PPARGC1A: variants seen among roughly 807,000 people sequenced by gnomAD.
PPARGC1A encodes peroxisome proliferator-activated receptor gamma coactivator 1-alpha.
PPARGC1A carries 25 observed loss-of-function variants against 88.7 expected under a neutral mutation model. The ratio of observed to expected loss-of-function variants is 0.28; its 90% CI spans 0.21 to 0.39. The LOEUF (loss-of-function observed/expected upper bound fraction) is 0.39. PPARGC1A is among the 10% of genes least tolerant of loss of function. The probability of loss-of-function intolerance (pLI) is 1.00; values close to 1 mark genes in which losing one functional copy is unlikely to be tolerated. For missense variants in PPARGC1A, 880 were observed against 968.7 expected (o/e 0.91, Z 1.22); for synonymous variants, 363 against 355.6 (o/e 1.02, Z -0.24).
At chr4:24,128,531 AGTGT>A in the PPARGC1A span, among the ~76,000 whole-genome samples, 26,610 of 137,988 alleles carry the variant, frequency 0.19, 2,692 homozygotes, top group Non-Finnish European at 0.23. Context: ...AGCCTGTCAC[AGTGT>A]GTGTGTGTGT....
the PPARGC1A span, among the ~76,000 whole-genome samples, chr4:24,234,000 T>A: frequency 6.6e-6 from 1 of 152,180 alleles, no homozygotes; most frequent in Non-Finnish European, 1.5e-5. Flanking sequence ...AGGATTTAAA[T>A]CTCAGTCTGA....
the PPARGC1A span, among the ~76,000 whole-genome samples, chr4:23,950,692 T>A: frequency 4.1e-3 from 627 of 152,280 alleles, 6 homozygotes; most frequent in African/African-American, 0.015. Context: ...ACATTGTTAT[T>A]ACCATCTTTC....
At chr4:23,871,709 G>C (rs1713408616) in intron 2 of PPARGC1A, among the ~76,000 whole-genome samples, 1 of 152,050 alleles carries the variant, frequency 6.6e-6, no homozygotes, top group South Asian at 2.1e-4. Context: ...CTTCACATCT[G>C]AGCAAATGAG....
the PPARGC1A span, among the ~76,000 whole-genome samples, chr4:24,110,719 C>A: frequency 1.3e-5 from 2 of 152,188 alleles, no homozygotes; most frequent in African/African-American, 4.8e-5. Context: ...TTGACAGGCA[C>A]ATTAAACATC....
chr4:24,244,695 T>A, the PPARGC1A span, among the ~76,000 whole-genome samples: 2 of 152,168 alleles, frequency 1.3e-5, no homozygotes, highest in Non-Finnish European at 2.9e-5. Flanking sequence ...GCATCTTTGG[T>A]TATCATAAAT....
At chr4:24,036,038 A>G in the PPARGC1A span, among the ~76,000 whole-genome samples, 1 of 152,130 alleles carries the variant, frequency 6.6e-6, no homozygotes, top group Non-Finnish European at 1.5e-5. Context: ...CTAGGTTCCA[A>G]TCCTCTCTTT....
At chr4:23,815,443 G>A (rs1041093561) in intron 7 of PPARGC1A, among the ~76,000 whole-genome samples, 1 of 152,140 alleles carries the variant, frequency 6.6e-6, no homozygotes, top group Non-Finnish European at 1.5e-5. Flanking sequence ...CACAACATAA[G>A]GGAGGGTTAT....
chr4:24,237,867 C>T, the PPARGC1A span, among the ~76,000 whole-genome samples: 2 of 152,240 alleles, frequency 1.3e-5, no homozygotes, highest in East Asian at 1.9e-4. Flanking sequence ...ACTGCCATAG[C>T]GACAGAACTC....
chr4:24,419,148 G>T, the PPARGC1A span, among the ~76,000 whole-genome samples: 1 of 152,072 alleles, frequency 6.6e-6, no homozygotes, highest in East Asian at 1.9e-4. Context: ...AAAGAGAGAT[G>T]CTATGACACT....
chr4:24,077,347 C>G, the PPARGC1A span, among the ~76,000 whole-genome samples: 1 of 152,064 alleles, frequency 6.6e-6, no homozygotes, highest in Non-Finnish European at 1.5e-5. Context: ...TTATTCCATT[C>G]CAAAATTTGA....
In PPARGC1A at chr4:23,792,149, G is replaced by T. The variant is rs1267954159; in HGVS notation, c.*3673C>A. The T allele has an allele frequency of 2.6e-5, 4 of 152,554 alleles. No homozygotes were observed. Among genetic ancestry groups the T allele is most frequent in the Non-Finnish European group, 5.9e-5 (4 of 68,026 alleles). The allele number at this position is 152,554 out of a possible 1,614,324, so 9.5% of individuals were successfully genotyped here. On this transcript the variant is annotated 3_prime_UTR_variant, in exon 13 of 13. Transcript: ENST00000264867. ...ACAATACATGTAGAATTGGCAGGTGGAAAAAAGGCCCGGCAAGGGCTCAAC... is the reference window on the plus strand; with the variant it reads ...ACAATACATGTAGAATTGGCAGGTGTAAAAAAGGCCCGGCAAGGGCTCAAC...
chr4:23,905,075 G>C (rs188522822), upstream of PPARGC1A, among the ~76,000 whole-genome samples: 1 of 152,236 alleles, frequency 6.6e-6, no homozygotes, highest in African/African-American at 2.4e-5. Flanking sequence ...AAAAACACTC[G>C]GAGTTCTTTT....
chr4:24,136,805 G>A, the PPARGC1A span, among the ~76,000 whole-genome samples: 1 of 152,128 alleles, frequency 6.6e-6, no homozygotes, highest in East Asian at 1.9e-4. Flanking sequence ...TGGAGATAGG[G>A]CCTTTAAAAA....
the PPARGC1A span, among the ~76,000 whole-genome samples, chr4:23,959,665 T>G: frequency 1.3e-5 from 2 of 152,234 alleles, no homozygotes; most frequent in South Asian, 4.2e-4. Flanking sequence ...CAAGAAGCTA[T>G]GAGCTCTTGG....
chr4:24,240,579 G>C, the PPARGC1A span, among the ~76,000 whole-genome samples: 1 of 152,108 alleles, frequency 6.6e-6, no homozygotes, highest in Non-Finnish European at 1.5e-5. Context: ...CCTGTAGGAG[G>C]GGGAAAAATC....
intron 2 of PPARGC1A, among the ~76,000 whole-genome samples, chr4:23,839,622 C>T (rs1726687702): frequency 6.6e-6 from 1 of 152,106 alleles, no homozygotes; most frequent in Non-Finnish European, 1.5e-5. Context: ...ATGAAAATCC[C>T]ATAGGTTTCT....
At chr4:24,106,222 C>T in the PPARGC1A span, among the ~76,000 whole-genome samples, 9 of 152,100 alleles carry the variant, frequency 5.9e-5, no homozygotes, top group Admixed American at 3.3e-4. Context: ...AGAGGCAAAC[C>T]GAAAGATGCC....
chr4:24,074,741 G>T, the PPARGC1A span, among the ~76,000 whole-genome samples: 4 of 152,242 alleles, frequency 2.6e-5, no homozygotes, highest in Middle Eastern at 3.4e-3. Context: ...GCCCCATGTG[G>T]TGGGATGCAA....
the PPARGC1A span, among the ~76,000 whole-genome samples, chr4:24,051,535 G>C: frequency 2.0e-5 from 3 of 152,206 alleles, no homozygotes; most frequent in African/African-American, 7.2e-5. Flanking sequence ...TAAGAGGGTA[G>C]AAGCTTAAAA....
Sources: gnomAD v4.1 joint callset for allele counts (sites outside exome capture counted in the v4.1 genomes callset) on GRCh38, gnomAD v4.1.1 for gene constraint, MANE v1.5 for transcripts, NCBI Gene and HGNC (gene_info 2026-07-23, HGNC 2026-07-21) for gene names.